Variants in FAM83A observed in about 807,000 individuals in gnomAD.
The protein encoded by FAM83A is scaffolding CK1 anchoring protein A, also known as protein FAM83A.
In FAM83A, 21 loss-of-function variants were observed where a neutral mutation model predicts 24.4. The ratio of observed to expected loss-of-function variants is 0.86; its 90% CI spans 0.61 to 1.24. The LOEUF is 1.24. Among genes scored for constraint, FAM83A ranks in the 50% most tolerant of loss-of-function variants. The pLI is 0.00. For missense variants in FAM83A, 617 were observed against 579.8 expected, an observed-to-expected ratio of 1.06 and a Z score of -0.66; for synonymous variants, 270 against 252.4, an observed-to-expected ratio of 1.07 and a Z score of -0.66.
chr8:123,202,951 G>A (rs1824409667), intron 3 of FAM83A, among the ~76,000 whole-genome samples: 1 of 152,068 alleles, frequency 6.6e-6, no homozygotes, highest in South Asian at 2.1e-4. Flanking sequence ...TCATGAAACT[G>A]CAGTAATCAA....
In FAM83A at chr8:123,209,440, C is replaced by T; in HGVS notation, c.*1752C>T. On this transcript the variant is annotated 3_prime_UTR_variant, in exon 4 of 4. Coordinates refer to ENST00000690554, the Ensembl canonical transcript of FAM83A. This position sits in a 1 kb window ranked among gnomAD's most constrained non-coding sequence, Gnocchi z 4.7. ...TTCCTCCTTAGTTCCTGAAAGTAAA[C>T]AAAACAAAACAAAAACAAAAAAACA... 2 of 1,613,600 alleles carry T rather than the reference C, an allele frequency of 1.2e-6. No homozygotes were observed. Among genetic ancestry groups the T allele is most frequent in the Non-Finnish European group, 1.7e-6 (2 of 1,179,812 alleles).
exon 1 of FAM83A, chr8:123,182,698 TA>T: frequency 1.9e-6 from 2 of 1,059,734 alleles, no homozygotes; most frequent in Non-Finnish European, 2.8e-6. Context: ...AGGACAGCGG[TA>T]AATCACTTCT....
At chr8:123,179,865 G>C (rs1248602978), upstream of FAM83A, 8 of 152,204 alleles carry the variant, frequency 5.3e-5, no homozygotes, top group Non-Finnish European at 1.0e-4. Flanking sequence ...AAGAGAATTA[G>C]TTCCAGGTGA....
chr8:123,206,940 T>A (rs566874108), intron 3 of FAM83A, among the ~76,000 whole-genome samples: 1 of 147,252 alleles, frequency 6.8e-6, no homozygotes, highest in African/African-American at 2.5e-5. Context: ...CCTCCTCTTC[T>A]TCCTCCTCCC....
At chr8:123,204,111 T>C (rs967653592) in intron 3 of FAM83A, among the ~76,000 whole-genome samples, 3 of 152,102 alleles carry the variant, frequency 2.0e-5, no homozygotes, top group African/African-American at 7.2e-5. Flanking sequence ...AGATGTGGAC[T>C]ATCCTCAAGA....
intron 3 of FAM83A, chr8:123,201,603 A>C (rs1193118887): frequency 6.6e-6 from 1 of 152,172 alleles, no homozygotes; most frequent in Non-Finnish European, 1.5e-5. Flanking sequence ...AAGAAAAAAA[A>C]CCAGAAGAGG....
At chr8:123,180,296 T>C (rs1157169556), upstream of FAM83A, 1 of 151,494 alleles carries the variant, frequency 6.6e-6, no homozygotes, top group Non-Finnish European at 1.5e-5. Flanking sequence ...AAAAAAAAAA[T>C]AACATAAATG....
intron 3 of FAM83A, chr8:123,202,189 C>A (rs527949446): frequency 2.0e-5 from 3 of 152,744 alleles, no homozygotes; most frequent in South Asian, 2.1e-4. Context: ...ACAACAACAA[C>A]AAAAATCTAC....
Position 123,182,939 on chromosome 8 carries a change from AC to A in FAM83A, c.84del (p.Phe29LeufsTer101). On this transcript the variant is annotated frameshift_variant, in exon 1 of 4. Transcript: ENST00000690554. LOFTEE classifies it high-confidence loss of function. ...CAGTGGGTCCGGCCAGCCAGGGCTG[AC>A]TTTAGTGACAACGAGAGTGCCCGGC... is the stretch of plus-strand genomic sequence containing the variant. The A allele has an allele frequency of 3.8e-6, 6 of 1,593,762 alleles. No individual in the cohort carries two copies. The highest frequency in any genetic ancestry group is 5.1e-6 in the Non-Finnish European group (6 of 1,170,012).
At chr8:123,188,237 C>T (rs578180416) in intron 1 of FAM83A, among the ~76,000 whole-genome samples, 10 of 151,996 alleles carry the variant, frequency 6.6e-5, no homozygotes, top group Middle Eastern at 3.4e-3. Context: ...AGGCTTCACA[C>T]GACGGCTTTC....
upstream of FAM83A, among the ~76,000 whole-genome samples, chr8:123,181,128 G>A (rs1368920636): frequency 1.3e-5 from 2 of 152,018 alleles, no homozygotes; most frequent in Admixed American, 6.6e-5. Flanking sequence ...TGTATTTTTA[G>A]TAGCGACAGT....
At chr8:123,183,439 A>G (rs1027451702) in intron 1 of FAM83A, 103 bp downstream of exon 1, 1 of 1,497,992 alleles carries the variant, frequency 6.7e-7, no homozygotes, top group African/African-American at 1.4e-5. Flanking sequence ...GCGAGAGTCC[A>G]GATAATTGGG....
At chr8:123,192,575 C>T (rs960301436) in intron 2 of FAM83A, among the ~76,000 whole-genome samples, 2 of 152,246 alleles carry the variant, frequency 1.3e-5, no homozygotes, top group African/African-American at 2.4e-5. Flanking sequence ...AATGTGAACA[C>T]CACCCATAGC....
chr8:123,209,415 T>C lies in FAM83A; in HGVS notation c.*1727T>C, dbSNP rs200928556. 9.7e-5 allele frequency: 156 copies of C among 1,613,144 alleles called. No individual in the cohort carries two copies. The African/African-American group carries it at 1.9e-3, about 20-fold the overall frequency. On this transcript the variant is annotated 3_prime_UTR_variant, in exon 4 of 4. Transcript: ENST00000690554. This position sits in a 1 kb window ranked among gnomAD's most constrained non-coding sequence, Gnocchi z 4.7. The stretch of plus-strand genomic sequence containing the variant: ...TATTGTATTCCTGTCCTTCACTTTT[T>C]TCCTCCTTAGTTCCTGAAAGTAAAC...
At chr8:123,186,582 C>T (rs999074249) in intron 1 of FAM83A, among the ~76,000 whole-genome samples, 1 of 152,132 alleles carries the variant, frequency 6.6e-6, no homozygotes, top group Non-Finnish European at 1.5e-5. Context: ...GTAATCTCAG[C>T]ACTTTGGGAG....
At chr8:123,192,598 G>C (rs1824019473) in intron 2 of FAM83A, among the ~76,000 whole-genome samples, 1 of 152,176 alleles carries the variant, frequency 6.6e-6, no homozygotes, top group Non-Finnish European at 1.5e-5. Context: ...TCATGAGTAG[G>C]CCTGGGTGAA....
intron 3 of FAM83A, chr8:123,201,541 A>G: frequency 6.6e-6 from 1 of 152,208 alleles, no homozygotes; most frequent in East Asian, 1.9e-4. Context: ...GATCATCTTC[A>G]CTGGGACCAG....
exon 3 of FAM83A, chr8:123,194,115 C>T (rs949656741): frequency 4.3e-6 from 7 of 1,614,126 alleles, no homozygotes; most frequent in Middle Eastern, 1.7e-4. Flanking sequence ...TTCATCATCT[C>T]GGACTGGAGA....
At chr8:123,194,565 C>A (rs925362756) in intron 3 of FAM83A, among the ~76,000 whole-genome samples, 1 of 150,776 alleles carries the variant, frequency 6.6e-6, no homozygotes, top group Non-Finnish European at 1.5e-5. Context: ...CTCATTGCAA[C>A]CTCCGCCTCC....
Sources: allele counts gnomAD v4.1 joint callset (sites outside exome capture counted in the v4.1 genomes callset), GRCh38; gene constraint gnomAD v4.1.1; non-coding constraint Gnocchi (gnomAD v3.1); transcripts MANE v1.5; gene names NCBI Gene and HGNC (gene_info 2026-07-23, HGNC 2026-07-21).